Variants in TNFRSF11B observed in about 807,000 individuals in gnomAD.
TNFRSF11B encodes the protein tumor necrosis factor receptor superfamily member 11B.
Under a neutral mutation model 43.4 loss-of-function variants are expected in TNFRSF11B, and 16 were observed. That is an observed-to-expected ratio of 0.37 (90% CI 0.25 to 0.56). The LOEUF (loss-of-function observed/expected upper bound fraction) is 0.56, where lower values mean the gene tolerates loss of function less well. TNFRSF11B is among the 20% of genes least tolerant of loss of function. The pLI is 0.80. For synonymous variants in TNFRSF11B, 185 were observed against 181.8 expected, an observed-to-expected ratio of 1.02 and a Z score of -0.14; for missense variants, 444 against 490.1, an observed-to-expected ratio of 0.91 and a Z score of 0.89.
At chr8:118,942,941 T>C (rs550261427) in intron 1 of TNFRSF11B, among the ~76,000 whole-genome samples, 1 of 152,046 alleles carries the variant, frequency 6.6e-6, no homozygotes, top group Non-Finnish European at 1.5e-5. Flanking sequence ...ACCTACCTAT[T>C]TGACCATCCG....
chr8:118,951,713 G>T, intron 1 of TNFRSF11B, 79 bp downstream of exon 1: 2 of 1,387,036 alleles, frequency 1.4e-6, no homozygotes. Context: ...CTCCCCGCCG[G>T]TCCGCTGGGA....
In TNFRSF11B at chr8:118,924,706, A is replaced by G. The variant is rs1196572780; in HGVS notation, c.874T>C (p.Phe292Leu). 1.9e-6 allele frequency: 3 copies of G among 1,614,056 alleles called. No individual in the cohort carries two copies. Among genetic ancestry groups the G allele is most frequent in the Non-Finnish European group, 2.5e-6 (3 of 1,180,040 alleles). The change falls in exon 5 of 5, where the codon TTC becomes CTC. Residue 292 changes from phenylalanine (F) to leucine (L), a missense_variant. By Grantham distance (22) the Phe-to-Leu change is conservative. Coordinates refer to ENST00000297350, the MANE Select transcript of TNFRSF11B (RefSeq NM_002546.4). ...QRHIGHANLT[F>L]EQLRSLMESL... ...TCCATCAAGCTACGAAGCTGCTCGA[A>G]GGTGAGGTTAGCATGTCCAATGTGC...
chr8:118,944,587 T>C (rs961776167), intron 1 of TNFRSF11B, among the ~76,000 whole-genome samples: 5 of 152,196 alleles, frequency 3.3e-5, no homozygotes, highest in African/African-American at 1.2e-4. Context: ...TATTGGCATT[T>C]ATTTTAGCAC....
At chr8:118,927,798 G>A (rs902398542) in intron 3 of TNFRSF11B, among the ~76,000 whole-genome samples, 3 of 152,008 alleles carry the variant, frequency 2.0e-5, no homozygotes, top group African/African-American at 4.8e-5. Context: ...TTTGAGTGAA[G>A]GTCTGAGATT....
intron 1 of TNFRSF11B, among the ~76,000 whole-genome samples, chr8:118,933,646 T>C (rs1812358742): frequency 6.6e-6 from 1 of 152,206 alleles, no homozygotes; most frequent in African/African-American, 2.4e-5. Flanking sequence ...GTGAGTGAGT[T>C]GGATTAACTG....
chr8:118,930,311 T>C (rs1311816146), intron 2 of TNFRSF11B, among the ~76,000 whole-genome samples: 1 of 152,180 alleles, frequency 6.6e-6, no homozygotes, highest in African/African-American at 2.4e-5. Context: ...CATTCTTTCA[T>C]TGCTAATTTA....
At chr8:118,924,787 A>C (rs1444374795) in intron 4 of TNFRSF11B, 25 bp from the exon 5 acceptor site, 1 of 1,613,912 alleles carries the variant, frequency 6.2e-7, no homozygotes, top group African/African-American at 1.3e-5. Flanking sequence ...AGCCCAGATA[A>C]GTGTTCACAT....
intron 2 of TNFRSF11B, among the ~76,000 whole-genome samples, chr8:118,929,281 T>A (rs1347189349): frequency 2.0e-5 from 3 of 152,232 alleles, no homozygotes; most frequent in Non-Finnish European, 4.4e-5. Context: ...ATACAATTAT[T>A]CCTAGAAAAT....
At chr8:118,943,106 A>C (rs1207815959) in intron 1 of TNFRSF11B, among the ~76,000 whole-genome samples, 1 of 152,100 alleles carries the variant, frequency 6.6e-6, no homozygotes, top group Non-Finnish European at 1.5e-5. Context: ...AATCAGTTGT[A>C]ATTTATACTA....
At chr8:118,938,498 T>G (rs1487363143) in intron 1 of TNFRSF11B, among the ~76,000 whole-genome samples, 1 of 152,226 alleles carries the variant, frequency 6.6e-6, no homozygotes, top group Non-Finnish European at 1.5e-5. Context: ...TTAGAGCATG[T>G]GCCATATAAA....
At chr8:118,935,861 T>C (rs1812399791) in intron 1 of TNFRSF11B, among the ~76,000 whole-genome samples, 2 of 152,148 alleles carry the variant, frequency 1.3e-5, no homozygotes, top group Admixed American at 6.5e-5. Flanking sequence ...TCCTGGTAGG[T>C]AGGAGTCCTG....
chr8:118,943,229 A>G (rs1812512846), intron 1 of TNFRSF11B, among the ~76,000 whole-genome samples: 1 of 152,178 alleles, frequency 6.6e-6, no homozygotes, highest in African/African-American at 2.4e-5. Flanking sequence ...AAAAGGTACT[A>G]AAACAGAAAG....
intron 4 of TNFRSF11B, among the ~76,000 whole-genome samples, chr8:118,926,000 T>C (rs984414115): frequency 4.6e-5 from 7 of 152,208 alleles, no homozygotes; most frequent in Non-Finnish European, 7.3e-5. Context: ...TCATAACATA[T>C]GCCATTAAAA....
chr8:118,941,178 T>C (rs1812479381), intron 1 of TNFRSF11B, among the ~76,000 whole-genome samples: 1 of 152,208 alleles, frequency 6.6e-6, no homozygotes, highest in South Asian at 2.1e-4. Flanking sequence ...GTATGTACTG[T>C]TCCATTTGTT....
intron 1 of TNFRSF11B, among the ~76,000 whole-genome samples, chr8:118,941,063 C>G (rs1812477670): frequency 6.6e-6 from 1 of 152,114 alleles, no homozygotes; most frequent in Admixed American, 6.5e-5. Context: ...TTTGCAAGGA[C>G]AAGCACAAAG....
At chr8:118,936,380 G>T (rs79129812) in intron 1 of TNFRSF11B, among the ~76,000 whole-genome samples, 58 of 152,158 alleles carry the variant, frequency 3.8e-4, no homozygotes, top group Admixed American at 1.2e-3. Context: ...TTGGTAAAAA[G>T]ACAGGCTCTG....
Position 118,926,622 on chromosome 8 carries a change from G to A in TNFRSF11B, c.689C>T (p.Thr230Ile). ...CTCTACACTCTCTGCGTTTACTTTG[G>A]TGCCAGGCAAATTGTCTACCAAGAC... ...LSVLVDNLPGTKVNAESVERI... is the reference protein window; with the variant it reads ...LSVLVDNLPGIKVNAESVERI... Residue 230 changes from threonine (T) to isoleucine (I), a missense_variant, in exon 4 of 5, where the codon ACC (threonine) becomes ATC (isoleucine). Thr to Ile is a moderately conservative substitution (Grantham distance 89, BLOSUM62 -1). Transcript: ENST00000297350. 1 of 1,613,950 alleles carries A rather than the reference G, an allele frequency of 6.2e-7. No homozygotes were observed. The highest frequency in any genetic ancestry group is 8.5e-7 in the Non-Finnish European group (1 of 1,179,982).
intron 1 of TNFRSF11B, among the ~76,000 whole-genome samples, chr8:118,949,899 G>A (rs1812616821): frequency 6.6e-6 from 1 of 152,144 alleles, no homozygotes; most frequent in Non-Finnish European, 1.5e-5. Context: ...AATACAAAGT[G>A]TCCATTTGCA....
intron 1 of TNFRSF11B, among the ~76,000 whole-genome samples, chr8:118,937,227 C>T (rs1021914424): frequency 7.2e-5 from 11 of 152,172 alleles, no homozygotes; most frequent in African/African-American, 2.4e-4. Flanking sequence ...TTCTCTAATG[C>T]CTTTTCTAGC....
Sources: allele counts gnomAD v4.1 joint callset (sites outside exome capture counted in the v4.1 genomes callset), GRCh38; gene constraint gnomAD v4.1.1; transcripts MANE v1.5; gene names NCBI Gene and HGNC (gene_info 2026-07-23, HGNC 2026-07-21).